Variants in ROBO1 observed in about 807,000 individuals in gnomAD.
The protein encoded by ROBO1 is roundabout guidance receptor 1.
A neutral mutation model predicts 195.9 loss-of-function variants in ROBO1; 149 were observed. The observed-to-expected ratio is 0.76, with a 90% confidence interval of 0.67 to 0.87. The LOEUF is 0.87. Ranked by LOEUF, ROBO1 falls within the 40% of genes least tolerant of loss-of-function variation. The probability of loss-of-function intolerance (pLI) is 0.00; values close to 1 mark genes in which losing one functional copy is unlikely to be tolerated. For missense variants in ROBO1, 1,933 were observed against 2,068.3 expected (o/e 0.93, Z 1.27); for synonymous variants, 816 against 733.2 (o/e 1.11, Z -1.82).
At chr3:79,181,920 T>C (rs1210618236) in intron 2 of ROBO1, among the ~76,000 whole-genome samples, 1 of 135,586 alleles carries the variant, frequency 7.4e-6, no homozygotes, top group Non-Finnish European at 1.5e-5. Context: ...AGCGAGATCT[T>C]GTGCCAAAAA....
Position 79,674,879 on chromosome 3 carries a change from TAAAG to T in ROBO1, c.-50-84922_-50-84919del, listed in dbSNP as rs578236309. The stretch of plus-strand genomic sequence containing the variant: ...GTGTGTGTGTGTGTATTTACAGAAA[TAAAG>T]AAACATTACTCAACCAAAGTAATTT... On this transcript the variant is annotated intron_variant, in intron 1 of 30. Coordinates refer to ENST00000464233, the MANE Select transcript of ROBO1 (RefSeq NM_002941.4). 3.8e-4 allele frequency among the ~76,000 whole-genome samples: 58 copies of T among 150,912 alleles called. 1 individual carries two copies. In the South Asian group the frequency reaches 0.01, roughly 27 times the overall value.
At chr3:78,782,774 T>A (rs150393062) in intron 4 of ROBO1, among the ~76,000 whole-genome samples, 6 of 152,352 alleles carry the variant, frequency 3.9e-5, no homozygotes, top group African/African-American at 1.2e-4. Flanking sequence ...AGAACATTCA[T>A]CACCTTATAC....
chr3:79,596,929 T>C (rs1944191472), intron 1 of ROBO1, among the ~76,000 whole-genome samples: 1 of 151,966 alleles, frequency 6.6e-6, no homozygotes. Flanking sequence ...GCATGTATGG[T>C]GAATGGACTC....
intron 1 of ROBO1, among the ~76,000 whole-genome samples, chr3:79,650,764 G>A (rs1428654894): frequency 6.6e-6 from 1 of 151,820 alleles, no homozygotes; most frequent in Admixed American, 6.6e-5. Context: ...ATCTGAAGAA[G>A]CATACATATA....
At chr3:79,025,784 A>G (rs529009610) in intron 3 of ROBO1, among the ~76,000 whole-genome samples, 1 of 152,282 alleles carries the variant, frequency 6.6e-6, no homozygotes, top group Non-Finnish European at 1.5e-5. Flanking sequence ...GACTGAGGTT[A>G]AAGTATATAA....
chr3:79,552,008 A>AAAAC (rs1942537657), intron 2 of ROBO1, among the ~76,000 whole-genome samples: 1 of 145,514 alleles, frequency 6.9e-6, no homozygotes, highest in African/African-American at 2.5e-5. Context: ...AAAAAAAAAA[A>AAAAC]AAAAAACAGA....
intron 21 of ROBO1, among the ~76,000 whole-genome samples, chr3:78,645,483 T>A (rs1706223431): frequency 6.6e-6 from 1 of 151,846 alleles, no homozygotes; most frequent in South Asian, 2.1e-4. Flanking sequence ...TGAAAAATTC[T>A]GAAGCTTGGC....
At chr3:78,764,804 T>C (rs1257698582) in intron 4 of ROBO1, among the ~76,000 whole-genome samples, 4 of 152,138 alleles carry the variant, frequency 2.6e-5, no homozygotes, top group Admixed American at 2.0e-4. Flanking sequence ...GTCATCATAA[T>C]TGCTACCTGT....
At chr3:78,955,914 C>T (rs1254099143) in intron 3 of ROBO1, among the ~76,000 whole-genome samples, 2 of 152,008 alleles carry the variant, frequency 1.3e-5, no homozygotes, top group African/African-American at 2.4e-5. Flanking sequence ...TGAAGAAAAC[C>T]TTTTACACAT....
chr3:78,752,172 C>CTTTA (rs60339174), intron 4 of ROBO1, among the ~76,000 whole-genome samples: 40,195 of 152,028 alleles, frequency 0.26, 5,508 homozygotes, highest in East Asian at 0.51. Flanking sequence ...CATACATAGT[C>CTTTA]ATAGTACAGA....
chr3:78,729,027 GGCTCTTT>G (rs1156906483), intron 5 of ROBO1, among the ~76,000 whole-genome samples: 1 of 152,230 alleles, frequency 6.6e-6, no homozygotes, highest in Non-Finnish European at 1.5e-5. Flanking sequence ...GGGAACACGT[GGCTCTTT>G]GCACAGCTTG....
chr3:79,288,105 T>G (rs2032004426), intron 2 of ROBO1, among the ~76,000 whole-genome samples: 1 of 152,138 alleles, frequency 6.6e-6, no homozygotes, highest in South Asian at 2.1e-4. Context: ...TATTTTCCCT[T>G]GAAAGTAAAA....
At chr3:79,473,187 TTAG>T in intron 2 of ROBO1, among the ~76,000 whole-genome samples, 1 of 152,176 alleles carries the variant, frequency 6.6e-6, no homozygotes, top group Admixed American at 6.6e-5. Flanking sequence ...GCATCCTTTA[TTAG>T]AGAAAGTAGG....
intron 28 of ROBO1, among the ~76,000 whole-genome samples, chr3:78,612,632 T>C (rs1703887747): frequency 6.6e-6 from 1 of 152,240 alleles, no homozygotes; most frequent in Non-Finnish European, 1.5e-5. Context: ...AGCATTGTTA[T>C]TTTGTGTTTC....
At chr3:79,197,080 T>C (rs993076855) in intron 2 of ROBO1, among the ~76,000 whole-genome samples, 1 of 151,788 alleles carries the variant, frequency 6.6e-6, no homozygotes, top group African/African-American at 2.4e-5. Flanking sequence ...CTTTAAGTTC[T>C]GCACAACATT....
At chr3:79,278,904 C>A (rs1272324298) in intron 2 of ROBO1, among the ~76,000 whole-genome samples, 1 of 152,068 alleles carries the variant, frequency 6.6e-6, no homozygotes, top group African/African-American at 2.4e-5. Context: ...GCAAAACAAC[C>A]TACCAAATGG....
intron 2 of ROBO1, among the ~76,000 whole-genome samples, chr3:79,323,700 C>T (rs968808137): frequency 6.6e-6 from 1 of 152,166 alleles, no homozygotes; most frequent in Admixed American, 6.5e-5. Context: ...CTTTCGATAT[C>T]ATATACAAAT....
chr3:78,777,352 C>G (rs538411865), intron 4 of ROBO1, among the ~76,000 whole-genome samples: 1 of 152,216 alleles, frequency 6.6e-6, no homozygotes, highest in South Asian at 2.1e-4. Flanking sequence ...GATTTTGAAA[C>G]AAGAGACAAA....
intron 4 of ROBO1, among the ~76,000 whole-genome samples, chr3:78,915,649 T>G (rs896487650): frequency 3.3e-5 from 5 of 152,074 alleles, no homozygotes; most frequent in African/African-American, 7.2e-5. Flanking sequence ...ACTGAAGATA[T>G]GCATTTAAAA....
Sources: gnomAD v4.1 joint callset for allele counts (sites outside exome capture counted in the v4.1 genomes callset) on GRCh38, gnomAD v4.1.1 for gene constraint, MANE v1.5 for transcripts, NCBI Gene and HGNC (gene_info 2026-07-23, HGNC 2026-07-21) for gene names.